Variants in TMEM135 observed in about 807,000 individuals in gnomAD.
TMEM135 encodes the protein peroxisomal membrane protein 52.
In TMEM135, 30 loss-of-function variants were observed where a neutral mutation model predicts 60.3. The ratio of observed to expected loss-of-function variants is 0.50; its 90% CI spans 0.37 to 0.68. TMEM135 has a LOEUF of 0.68. TMEM135 is among the 30% of genes least tolerant of loss of function. TMEM135 has a pLI of 0.00. For missense variants in TMEM135, 468 were observed against 548.8 expected, an observed-to-expected ratio of 0.85 and a Z score of 1.47; for synonymous variants, 190 against 186.7, an observed-to-expected ratio of 1.02 and a Z score of -0.14.
chr11:87,093,542 A>T (rs558631601), intron 4 of TMEM135, among the ~76,000 whole-genome samples: 1 of 151,042 alleles, frequency 6.6e-6, no homozygotes, highest in South Asian at 2.1e-4. Flanking sequence ...TATTATTATT[A>T]TTTTTTGAGA....
chr11:87,234,753 A>C (rs61905643), intron 5 of TMEM135, among the ~76,000 whole-genome samples: 46 of 152,098 alleles, frequency 3.0e-4, no homozygotes, highest in Non-Finnish European at 6.0e-4. Flanking sequence ...ACCCAGATCT[A>C]TCTTACTCTA....
intron 6 of TMEM135, among the ~76,000 whole-genome samples, chr11:87,255,382 T>A (rs1022113285): frequency 1.3e-5 from 2 of 152,246 alleles, no homozygotes; most frequent in East Asian, 1.9e-4. Context: ...AAATGAGTGA[T>A]GAATGAAGCC....
intron 5 of TMEM135, among the ~76,000 whole-genome samples, chr11:87,170,448 G>C: frequency 6.6e-6 from 1 of 152,090 alleles, no homozygotes; most frequent in East Asian, 1.9e-4. Context: ...TTTGATGTTG[G>C]TGACCTTCCG....
chr11:87,073,690 C>T (rs1337945420), intron 3 of TMEM135, among the ~76,000 whole-genome samples: 4 of 150,596 alleles, frequency 2.7e-5, no homozygotes, highest in East Asian at 2.0e-4. Context: ...TTTTTTGAGA[C>T]GGAGTCTCGC....
At chr11:87,187,824 G>A (rs1342484004) in intron 5 of TMEM135, among the ~76,000 whole-genome samples, 2 of 152,226 alleles carry the variant, frequency 1.3e-5, no homozygotes, top group East Asian at 3.9e-4. Flanking sequence ...GGGAAAATAA[G>A]CAAAATCAGA....
chr11:87,172,195 A>AT (rs1939255340), intron 5 of TMEM135, among the ~76,000 whole-genome samples: 1 of 152,148 alleles, frequency 6.6e-6, no homozygotes, highest in African/African-American at 2.4e-5. Flanking sequence ...CAGTATCTAT[A>AT]TTTTTTAAAA....
intron 4 of TMEM135, among the ~76,000 whole-genome samples, chr11:87,117,343 C>A (rs1199478848): frequency 6.6e-6 from 1 of 152,122 alleles, no homozygotes; most frequent in Non-Finnish European, 1.5e-5. Context: ...TTGACTCTTT[C>A]TTTCATGAAA....
rs115126502 is a variant in TMEM135 at position 87,073,477 on chromosome 11, C to T, written c.362+1862C>T. Among the ~76,000 whole-genome samples, 1,313 of 152,220 alleles carry T rather than the reference C, an allele frequency of 8.6e-3. 25 individuals carry two copies. Among genetic ancestry groups the T allele is most frequent in the African/African-American group, 0.029 (1,213 of 41,526 alleles). On this transcript the variant is annotated intron_variant, in intron 3 of 14. Coordinates refer to ENST00000305494, the MANE Select transcript of TMEM135 (RefSeq NM_022918.4). ...ATCAAAGGATTGGTGAATGTTATAA[C>T]CTCAGCAAAATCAAGTCAGTAATTC...
chr11:87,248,664 A>G (rs558358514), intron 6 of TMEM135, among the ~76,000 whole-genome samples: 24 of 151,912 alleles, frequency 1.6e-4, no homozygotes, highest in Admixed American at 4.6e-4. Flanking sequence ...TGTCATTGAC[A>G]TTTTGATCAG....
intron 3 of TMEM135, among the ~76,000 whole-genome samples, chr11:87,083,885 C>T (rs1468151804): frequency 6.6e-6 from 1 of 152,018 alleles, no homozygotes; most frequent in Non-Finnish European, 1.5e-5. Context: ...CTTAATAAGC[C>T]ATTACAATGT....
chr11:87,320,823 G>T (rs1942806953), intron 14 of TMEM135, among the ~76,000 whole-genome samples: 1 of 152,088 alleles, frequency 6.6e-6, no homozygotes, highest in Admixed American at 6.6e-5. Flanking sequence ...CATTGGTAAT[G>T]TTAGCTCATT....
chr11:87,302,567 A>G, intron 8 of TMEM135, 125 bp downstream of exon 8: 1 of 1,221,586 alleles, frequency 8.2e-7, no homozygotes, highest in East Asian at 2.4e-5. Context: ...GAAACTGTGC[A>G]TAGAATTTTA....
At chr11:87,133,011 T>A (rs1358230084) in intron 4 of TMEM135, among the ~76,000 whole-genome samples, 3 of 152,154 alleles carry the variant, frequency 2.0e-5, no homozygotes, top group Admixed American at 2.0e-4. Flanking sequence ...ACCAGGACAG[T>A]CGATGTGGTA....
intron 4 of TMEM135, among the ~76,000 whole-genome samples, chr11:87,152,983 T>C (rs1427384749): frequency 1.3e-5 from 2 of 152,194 alleles, no homozygotes; most frequent in Non-Finnish European, 2.9e-5. Context: ...CCCACATATA[T>C]CAGTTTCCTT....
At chr11:87,066,256 T>A (rs1856649083) in intron 1 of TMEM135, among the ~76,000 whole-genome samples, 2 of 152,198 alleles carry the variant, frequency 1.3e-5, no homozygotes, top group African/African-American at 4.8e-5. Context: ...TTATGTTGTT[T>A]CATTATGATG....
intron 4 of TMEM135, among the ~76,000 whole-genome samples, chr11:87,152,736 G>T (rs1436460865): frequency 6.6e-6 from 1 of 152,202 alleles, no homozygotes; most frequent in Non-Finnish European, 1.5e-5. Flanking sequence ...ACCGCATCCG[G>T]CCCTTATGTT....
At chr11:87,215,910 C>T (rs1460066028) in intron 5 of TMEM135, among the ~76,000 whole-genome samples, 2 of 152,142 alleles carry the variant, frequency 1.3e-5, no homozygotes, top group East Asian at 1.9e-4. Context: ...TATCTAATAG[C>T]CTCCTCTTAA....
chr11:87,253,226 T>G (rs1941456269), intron 6 of TMEM135, among the ~76,000 whole-genome samples: 1 of 152,134 alleles, frequency 6.6e-6, no homozygotes, highest in Non-Finnish European at 1.5e-5. Flanking sequence ...TGTGCCCAGA[T>G]AGTTACTCTA....
At position 87,175,795 on chromosome 11, in the gene TMEM135, G is replaced by A. The variant is rs951558701; in HGVS notation, c.462+18389G>A. Among the ~76,000 whole-genome samples the A allele has an allele frequency of 2.0e-5, 3 of 148,246 alleles. No individual in the cohort carries two copies. The Admixed American group carries it at 2.0e-4, about 10-fold the overall frequency. On this transcript the variant is annotated intron_variant, in intron 5 of 14. Coordinates refer to ENST00000305494, the MANE Select transcript of TMEM135 (RefSeq NM_022918.4). Reference sequence around the variant, plus strand: ...AAACTTAAATTTGTCTACTCTGGTTGTATAGCTAGATGTGGTTGAATGTAT... The same window carrying A: ...AAACTTAAATTTGTCTACTCTGGTTATATAGCTAGATGTGGTTGAATGTAT...
Sources: allele counts gnomAD v4.1 joint callset (sites outside exome capture counted in the v4.1 genomes callset), GRCh38; gene constraint gnomAD v4.1.1; transcripts MANE v1.5; gene names NCBI Gene and HGNC (gene_info 2026-07-23, HGNC 2026-07-21).